The following IL1RAPL1 variants were observed in gnomAD, a reference collection of about 807,000 sequenced individuals.
IL1RAPL1 encodes the protein interleukin 1 receptor accessory protein like 1.
A neutral mutation model predicts 48.4 loss-of-function variants in IL1RAPL1; 3 were observed. That is an observed-to-expected ratio of 0.06 (90% CI 0.03 to 0.16). The LOEUF (loss-of-function observed/expected upper bound fraction) is 0.16, where lower values mean the gene tolerates loss of function less well. Ranked by LOEUF, IL1RAPL1 falls within the 10% of genes least tolerant of loss-of-function variation. IL1RAPL1 has a pLI of 1.00. For missense variants in IL1RAPL1, 349 were observed against 530.6 expected, an observed-to-expected ratio of 0.66 and a Z score of 3.36; for synonymous variants, 185 against 187.7, an observed-to-expected ratio of 0.99 and a Z score of 0.12.
At chrX:29,515,723 G>C (rs1935438379) in intron 5 of IL1RAPL1, among the ~76,000 whole-genome samples, 1 of 111,632 alleles carries the variant, frequency 9.0e-6, no homozygotes, top group South Asian at 3.8e-4. Flanking sequence ...CTGTCTCCCA[G>C]GCTGTAGAAC....
At chrX:29,105,561 G>T (rs1342196483) in intron 2 of IL1RAPL1, among the ~76,000 whole-genome samples, 1 of 112,060 alleles carries the variant, frequency 8.9e-6, no homozygotes, top group Non-Finnish European at 1.9e-5. Context: ...TTTCTCCTTT[G>T]CAATGTTGGA....
intron 1 of IL1RAPL1, among the ~76,000 whole-genome samples, chrX:28,680,765 A>G (rs927120637): frequency 8.9e-6 from 1 of 111,933 alleles, no homozygotes; most frequent in Non-Finnish European, 1.9e-5. Context: ...TATCACATTG[A>G]TCGATATGTT....
chrX:29,132,674 CT>C (rs1269301348), intron 2 of IL1RAPL1, among the ~76,000 whole-genome samples: 294 of 111,866 alleles, frequency 2.6e-3, no homozygotes, highest in African/African-American at 9.2e-3. Context: ...TTATTTTTAT[CT>C]TGTGGACATT....
intron 5 of IL1RAPL1, among the ~76,000 whole-genome samples, chrX:29,503,955 T>TC (rs1478514713): frequency 1.2e-5 from 1 of 82,715 alleles, no homozygotes; most frequent in East Asian, 5.1e-4. Flanking sequence ...CCAGCCTGAA[T>TC]CCTTTTTTTT....
At chrX:29,394,669 A>G (rs1367973708) in intron 3 of IL1RAPL1, among the ~76,000 whole-genome samples, 2 of 111,643 alleles carry the variant, frequency 1.8e-5, no homozygotes, top group Non-Finnish European at 3.8e-5. Context: ...TTATTTGCCT[A>G]TCTCTTTCCC....
At chrX:29,402,366 T>C (rs887051067) in intron 5 of IL1RAPL1, among the ~76,000 whole-genome samples, 2 of 111,618 alleles carry the variant, frequency 1.8e-5, no homozygotes, top group Non-Finnish European at 3.8e-5. Flanking sequence ...ACTCCATGCA[T>C]CCACAGCACT....
rs767715365 is a variant in IL1RAPL1, at chrX:29,945,526, A to T, written c.1201+3732A>T. Among the ~76,000 whole-genome samples the T allele has an allele frequency of 3.5e-5, 4 of 112,794 alleles. No individual in the cohort carries two copies. The South Asian group carries it at 1.5e-3, about 41-fold the overall frequency. ...AAATAACCAGGGAAAAATGTTTAAT[A>T]ATATCCTACTATAGCAATATGATAA... is the stretch of plus-strand genomic sequence containing the variant. On this transcript the variant is annotated intron_variant, in intron 9 of 10. Coordinates refer to ENST00000378993, the MANE Select transcript of IL1RAPL1 (RefSeq NM_014271.4).
intron 3 of IL1RAPL1, among the ~76,000 whole-genome samples, chrX:29,371,126 C>CTTTTTT (rs1168566971): frequency 8.8e-5 from 5 of 56,708 alleles, no homozygotes; most frequent in Admixed American, 2.7e-4. Flanking sequence ...TCTAAATGTA[C>CTTTTTT]TTTTTTTTTT....
chrX:28,943,150 G>A (rs138159716), intron 2 of IL1RAPL1, among the ~76,000 whole-genome samples: 1 of 105,527 alleles, frequency 9.5e-6, no homozygotes, highest in East Asian at 3.0e-4. Context: ...GATACGTTAT[G>A]TGATATATAA....
At chrX:28,600,164 C>CAAT (rs1486398671) in intron 1 of IL1RAPL1, among the ~76,000 whole-genome samples, 17 of 111,720 alleles carry the variant, frequency 1.5e-4, no homozygotes, top group African/African-American at 5.5e-4. Flanking sequence ...AGGCATGATG[C>CAAT]AATAATACCA....
chrX:28,648,284 A>G (rs1227678690), intron 1 of IL1RAPL1, among the ~76,000 whole-genome samples: 1 of 111,535 alleles, frequency 9.0e-6, no homozygotes, highest in African/African-American at 3.3e-5. Context: ...ATCCCTACCT[A>G]TACAAAATTA....
chrX:28,710,355 G>T (rs1211623176), intron 1 of IL1RAPL1, among the ~76,000 whole-genome samples: 1 of 106,941 alleles, frequency 9.4e-6, no homozygotes, highest in African/African-American at 3.4e-5. Context: ...GATTGGGGGT[G>T]CTGATTGGGG....
chrX:29,310,805 G>A (rs1932714545), intron 3 of IL1RAPL1, among the ~76,000 whole-genome samples: 1 of 112,014 alleles, frequency 8.9e-6, no homozygotes, highest in Admixed American at 9.4e-5. Context: ...GAAACTGGGA[G>A]CATTTATTTC....
At chrX:28,591,634 G>A (rs931924599) in intron 1 of IL1RAPL1, among the ~76,000 whole-genome samples, 11 of 111,141 alleles carry the variant, frequency 9.9e-5, no homozygotes, top group African/African-American at 1.6e-4. Flanking sequence ...AGGTAAGGTC[G>A]CGTCAGCCTT....
intron 2 of IL1RAPL1, among the ~76,000 whole-genome samples, chrX:28,891,948 T>G (rs1046113704): frequency 8.9e-6 from 1 of 111,754 alleles, no homozygotes. Flanking sequence ...TAGTTTTAAT[T>G]TATTATCTCT....
intron 2 of IL1RAPL1, among the ~76,000 whole-genome samples, chrX:28,957,033 T>C (rs748273599): frequency 9.0e-6 from 1 of 110,519 alleles, no homozygotes; most frequent in African/African-American, 3.3e-5. Context: ...CTTCTAGATT[T>C]TCTAGTTTAT....
intron 5 of IL1RAPL1, among the ~76,000 whole-genome samples, chrX:29,450,195 G>A (rs1003232550): frequency 8.9e-6 from 1 of 111,889 alleles, no homozygotes; most frequent in Non-Finnish European, 1.9e-5. Context: ...TTTAGCTAAT[G>A]TTAGAGGTAA....
At chrX:29,202,312 A>G (rs1930571755) in intron 2 of IL1RAPL1, among the ~76,000 whole-genome samples, 1 of 112,104 alleles carries the variant, frequency 8.9e-6, no homozygotes, top group Admixed American at 9.5e-5. Flanking sequence ...ACAATGAGAT[A>G]CCATCTCACA....
At chrX:29,189,059 CT>C (rs1387438715) in intron 2 of IL1RAPL1, among the ~76,000 whole-genome samples, 1 of 112,030 alleles carries the variant, frequency 8.9e-6, no homozygotes, top group Non-Finnish European at 1.9e-5. Context: ...CACTGTGGTT[CT>C]TTAATAATTG....
Sources: gnomAD v4.1 joint callset for allele counts (sites outside exome capture counted in the v4.1 genomes callset) on GRCh38, gnomAD v4.1.1 for gene constraint, MANE v1.5 for transcripts, NCBI Gene and HGNC (gene_info 2026-07-23, HGNC 2026-07-21) for gene names.